Variants in TPPP2 observed in about 807,000 individuals in gnomAD.
TPPP2 encodes the protein tubulin polymerization promoting protein family member 2, also known as tubulin polymerization-promoting protein family member 2.
Under a neutral mutation model 13.0 loss-of-function variants are expected in TPPP2, and 8 were observed. The observed-to-expected ratio is 0.62, with a 90% CI of 0.36 to 1.11. TPPP2 has a LOEUF of 1.11. Among genes scored for constraint, TPPP2 ranks in the 50% most tolerant of loss-of-function variants. The pLI is 0.02. For missense variants in TPPP2, 213 were observed against 216.9 expected (o/e 0.98, Z 0.11); for synonymous variants, 81 against 81.8 (o/e 0.99, Z 0.05).
Position 21,025,091 on chromosome 14 carries a change from G to T in TPPP2, n.236+747G>T. 2 of 985,688 alleles carry T rather than the reference G, an allele frequency of 2.0e-6. No individual in the cohort carries two copies. Among genetic ancestry groups the T allele is most frequent in the Non-Finnish European group, 2.4e-6 (2 of 830,252 alleles). 61.1% of individuals were successfully genotyped at this position (985,688 alleles called of 1,614,324 possible). The stretch of plus-strand genomic sequence containing the variant: ...TTGACTCGGGCCCGCCCCGGCTCGG[G>T]CTTCCCGCAGACCCGCCCCCGGCCC... On this transcript the variant is annotated intron_variant and non_coding_transcript_variant, in intron 1 of 1. Transcript: ENST00000533755. The surrounding 1 kb of genome is among the most constrained non-coding windows in gnomAD (Gnocchi z 5.1).
At position 21,031,960 on chromosome 14, in the gene TPPP2, G is replaced by T; in HGVS notation, c.396G>T (p.Glu132Asp). The change falls in exon 4 of 4, where the codon GAG becomes GAT. Residue 132 changes from glutamate to aspartate, a missense_variant. By Grantham distance (45) the Glu-to-Asp change is conservative (BLOSUM62 2). Transcript: ENST00000321760. ...GCAAGTACACCGGCACCCACAAGGA[G>T]CGCTTTGATGAGAGTGGCAAGGGCA... The part of the protein sequence containing the change: ...DTSKYTGTHK[E>D]RFDESGKGKG... 1.2e-6 allele frequency: 2 copies of T among 1,614,178 alleles called. No individual in the cohort carries two copies. The highest frequency in any genetic ancestry group is 8.5e-7 in the Non-Finnish European group (1 of 1,180,038).
chr14:21,031,719 C>T (rs974339622), intron 3 of TPPP2, among the ~76,000 whole-genome samples, 173 bp from the exon 4 acceptor site: 4 of 152,166 alleles, frequency 2.6e-5, no homozygotes, highest in Non-Finnish European at 5.9e-5. Flanking sequence ...GTGAACGGCT[C>T]TTACCAGAGT....
intron 3 of TPPP2, chr14:21,031,394 T>C (rs1021905656): frequency 9.3e-6 from 5 of 536,434 alleles, no homozygotes; most frequent in African/African-American, 5.8e-5. Flanking sequence ...TCCAAGTGTC[T>C]AGTATCTGAG....
Position 21,032,391 on chromosome 14 carries a change from C to A in TPPP2, c.*314C>A. 1 of 472,138 alleles carries A rather than the reference C, an allele frequency of 2.1e-6. No individual in the cohort carries two copies. The highest frequency in any genetic ancestry group is 4.2e-6 in the Non-Finnish European group (1 of 240,382). The allele number at this position is 472,138 out of a possible 1,614,324, so 29.2% of individuals were successfully genotyped here. On this transcript the variant is annotated 3_prime_UTR_variant, in exon 4 of 4. Coordinates refer to ENST00000321760, the MANE Select transcript of TPPP2 (RefSeq NM_173846.5). ...GAACCAGATGTGGAGGTAAAAGTATCTACTACTTGTGTTCACACATTACTG... is the reference window on the plus strand; with the variant it reads ...GAACCAGATGTGGAGGTAAAAGTATATACTACTTGTGTTCACACATTACTG...
chr14:21,024,963 A>C (rs1237462596), intron 1 of TPPP2: 1 of 985,152 alleles, frequency 1.0e-6, no homozygotes, highest in Non-Finnish European at 1.2e-6. Flanking sequence ...CGGATCAATC[A>C]CACCGCCCGC....
rs112271660 is a variant in TPPP2, at chr14:21,031,160, G to A, written c.322G>A (p.Ala108Thr). The A allele has an allele frequency of 4.0e-3, 6,404 of 1,613,282 alleles. 20 individuals are homozygous for A. Among genetic ancestry groups the A allele is most frequent in the Middle Eastern group, 5.8e-3 (35 of 6,050 alleles). ...MEGKDPATTG[A>T]TKATTVGAVD... The stretch of plus-strand genomic sequence containing the variant: ...GGGCAAAGACCCAGCCACCACTGGC[G>A]CTACTGTGAGTGACAGCCTTCATCC... Residue 108 changes from alanine to threonine, a missense_variant, in exon 3 of 4, where the codon GCT becomes ACT. Physicochemically the swap from Ala to Thr is moderately conservative, Grantham distance 58. Transcript: ENST00000321760.
At chr14:21,031,426 G>A in intron 3 of TPPP2, 1 of 484,306 alleles carries the variant, frequency 2.1e-6, no homozygotes, top group Non-Finnish European at 3.6e-6. Context: ...GGGCTTGGTA[G>A]CTTTTGGAGG....
rs78907457 is a variant in TPPP2 at position 21,031,782 on chromosome 14, G to A, written c.328-110G>A. The A allele has an allele frequency of 2.0e-4, 251 of 1,251,812 alleles. 1 individual carries two copies. The African/African-American group carries it at 3.0e-3, about 15-fold the overall frequency. 77.5% of individuals were successfully genotyped at this position (1,251,812 alleles called of 1,614,324 possible). A position where few individuals can be genotyped will look rare whatever the true frequency, so the allele number is the denominator to read the frequency against. Reference sequence around the variant, plus strand: ...AAGAAAGCAGCACCCCATGCCAGTGGCAGAGCAAGAGCTCCAAGCACTTGT... The same window carrying A: ...AAGAAAGCAGCACCCCATGCCAGTGACAGAGCAAGAGCTCCAAGCACTTGT... On this transcript the variant is annotated intron_variant, in intron 3 of 3. Coordinates refer to ENST00000321760, the MANE Select transcript of TPPP2 (RefSeq NM_173846.5).
upstream of TPPP2, among the ~76,000 whole-genome samples, chr14:21,026,654 A>T (rs978823490): frequency 1.3e-5 from 2 of 151,842 alleles, no homozygotes; most frequent in African/African-American, 4.8e-5. Context: ...TCGGGCTAAA[A>T]CCCAGCCTTC....
At position 21,025,075 on chromosome 14, in the gene TPPP2, G is replaced by C; in HGVS notation, n.236+731G>C. ...CCACCTTCACTTGCCTTTGACTCGG[G>C]CCCGCCCCGGCTCGGGCTTCCCGCA... On this transcript the variant is annotated intron_variant and non_coding_transcript_variant, in intron 1 of 1. Coordinates refer to the TPPP2 transcript ENST00000533755. This position sits in a 1 kb window ranked among gnomAD's most constrained non-coding sequence, Gnocchi z 5.1. 4 of 986,044 alleles carry C rather than the reference G, an allele frequency of 4.1e-6. No individual in the cohort carries two copies. The highest frequency in any genetic ancestry group is 4.8e-6 in the Non-Finnish European group (4 of 830,640). The allele number at this position is 986,044 out of a possible 1,614,324, so 61.1% of individuals were successfully genotyped here.
At chr14:21,033,068 T>G, downstream of TPPP2, 1 of 447,750 alleles carries the variant, frequency 2.2e-6, no homozygotes, top group Non-Finnish European at 4.5e-6. Context: ...AGCAGGAACC[T>G]CTGGGGAATG....
upstream of TPPP2, among the ~76,000 whole-genome samples, chr14:21,027,481 C>A (rs1883771265): frequency 6.6e-6 from 1 of 152,176 alleles, no homozygotes; most frequent in Non-Finnish European, 1.5e-5. Context: ...TATATAAGAT[C>A]AATCATTTGG....
chr14:21,026,890 G>A (rs1056913013), upstream of TPPP2, among the ~76,000 whole-genome samples: 1 of 152,174 alleles, frequency 6.6e-6, no homozygotes, highest in Admixed American at 6.5e-5. Context: ...CCAAAGGTGC[G>A]CAAGACAGGA....
Position 21,024,309 on chromosome 14 carries a change from G to A in TPPP2, n.201G>A, listed in dbSNP as rs1432738366. ...ATAGGCTACAAGGGCATCAGTTCAG[G>A]CTGCGCGGAGGAGAGAAGGAAGTGC... On this transcript the variant is annotated non_coding_transcript_exon_variant, in exon 1 of 2. Coordinates refer to the TPPP2 transcript ENST00000533755. 8.1e-6 allele frequency: 8 copies of A among 985,404 alleles called. No homozygotes were observed. The Admixed American group carries it at 1.8e-4, about 23-fold the overall frequency. The allele number at this position is 985,404 out of a possible 1,614,324, so 61.0% of individuals were successfully genotyped here.
chr14:21,026,110 C>T, upstream of TPPP2, among the ~76,000 whole-genome samples: 1 of 152,050 alleles, frequency 6.6e-6, no homozygotes. Flanking sequence ...TCTCGGTGCC[C>T]GAGTGGGTTT....
downstream of TPPP2, chr14:21,033,712 C>T: frequency 1.2e-6 from 1 of 835,662 alleles, no homozygotes; most frequent in Middle Eastern, 2.2e-4. Context: ...GGGAGGGGAC[C>T]CTGCCTGCCT....
At chr14:21,029,961 G>A (rs1353188831), upstream of TPPP2, among the ~76,000 whole-genome samples, 2 of 152,132 alleles carry the variant, frequency 1.3e-5, no homozygotes, top group African/African-American at 2.4e-5. Context: ...CCCTGGGCTC[G>A]CCTCAGCTTC....
At position 21,031,117 on chromosome 14, in the gene TPPP2, C is replaced by T. The variant is rs148606055; in HGVS notation, c.279C>T (p.Asn93=). 1.2e-6 allele frequency: 2 copies of T among 1,614,146 alleles called. No individual in the cohort carries two copies. Among genetic ancestry groups the T allele is most frequent in the South Asian group, 1.1e-5 (1 of 91,082 alleles). The part of the protein sequence containing the change: ...KGKSPDEVLE[N]IYGLMEGKDP... Reference sequence around the variant, plus strand: ...AGAGTCCAGATGAAGTCCTGGAGAACATTTATGGACTCATGGAGGGCAAAG... The same window carrying T: ...AGAGTCCAGATGAAGTCCTGGAGAATATTTATGGACTCATGGAGGGCAAAG... Residue 93 remains asparagine (N), a synonymous_variant, in exon 3 of 4, where the codon AAC becomes AAT. Coordinates refer to ENST00000321760, the MANE Select transcript of TPPP2 (RefSeq NM_173846.5).
At chr14:21,026,170 C>A (rs530503541), upstream of TPPP2, among the ~76,000 whole-genome samples, 7 of 152,088 alleles carry the variant, frequency 4.6e-5, no homozygotes, top group Admixed American at 6.5e-5. Flanking sequence ...ACACACACAC[C>A]CTGGAATGAG....
Sources: gnomAD v4.1 joint callset for allele counts (sites outside exome capture counted in the v4.1 genomes callset) on GRCh38, gnomAD v4.1.1 for gene constraint, Gnocchi (gnomAD v3.1) non-coding constraint, MANE v1.5 for transcripts, NCBI Gene and HGNC (gene_info 2026-07-23, HGNC 2026-07-21) for gene names.